CRYBG1: variants seen among roughly 807,000 people sequenced by gnomAD.
The protein encoded by CRYBG1 is beta/gamma crystallin domain-containing protein 1.
Under a neutral mutation model 189.2 loss-of-function variants are expected in CRYBG1, and 139 were observed. The observed-to-expected ratio is 0.73, with a 90% CI of 0.64 to 0.85. The LOEUF (loss-of-function observed/expected upper bound fraction) is 0.85, where lower values mean the gene tolerates loss of function less well. CRYBG1 is among the 40% of genes least tolerant of loss of function. The probability of loss-of-function intolerance (pLI) is 0.00; values close to 1 mark genes in which losing one functional copy is unlikely to be tolerated. For missense variants in CRYBG1, 2,611 were observed against 2,675.8 expected (o/e 0.98, Z 0.53); for synonymous variants, 1,023 against 1,017.1 (o/e 1.01, Z -0.11).
intron 1 of CRYBG1, among the ~76,000 whole-genome samples, chr6:106,450,824 C>G (rs780190559): frequency 6.6e-6 from 1 of 152,184 alleles, no homozygotes; most frequent in Non-Finnish European, 1.5e-5. Flanking sequence ...CTTCAGCAGA[C>G]GCCTCTCACA....
At chr6:106,526,153 C>T (rs186715813) in intron 6 of CRYBG1, among the ~76,000 whole-genome samples, 101 of 152,216 alleles carry the variant, frequency 6.6e-4, no homozygotes, top group African/African-American at 2.3e-3. Context: ...GAGGGTAGAC[C>T]TCTGAATGTT....
chr6:106,495,819 T>TGA (rs1554186459), intron 2 of CRYBG1, among the ~76,000 whole-genome samples: 1 of 128,470 alleles, frequency 7.8e-6, no homozygotes, highest in Non-Finnish European at 1.6e-5. Context: ...TTTCCTTGAG[T>TGA]AAAAAAAAAA....
At chr6:106,551,828 C>T (rs1774411077) in intron 13 of CRYBG1, 24 bp from the exon 14 acceptor site, 2 of 1,607,848 alleles carry the variant, frequency 1.2e-6, no homozygotes, top group Non-Finnish European at 1.7e-6. Flanking sequence ...TGAACTCCAA[C>T]AAGTGATTGC....
At chr6:106,430,435 CA>C (rs746507342) in intron 1 of CRYBG1, among the ~76,000 whole-genome samples, 54 of 152,264 alleles carry the variant, frequency 3.5e-4, no homozygotes, top group Admixed American at 1.0e-3. Context: ...AGGATTTTAG[CA>C]CAAGGCTATG....
intron 18 of CRYBG1, among the ~76,000 whole-genome samples, chr6:106,559,099 T>C (rs774114393): frequency 2.0e-5 from 3 of 152,260 alleles, no homozygotes; most frequent in Non-Finnish European, 4.4e-5. Context: ...AAAAGTCATA[T>C]GTAAAGCATC....
At position 106,519,971 on chromosome 6, in the gene CRYBG1, G is replaced by GA. The variant is rs753269932; in HGVS notation, c.2767dup (p.Met923AsnfsTer19). 1 of 1,614,192 alleles carries GA rather than the reference G, an allele frequency of 6.2e-7. No homozygotes were observed. The highest frequency in any genetic ancestry group is 1.6e-4 in the Middle Eastern group (1 of 6,062). On this transcript the variant is annotated frameshift_variant, in exon 4 of 22. Coordinates refer to ENST00000633556, the MANE Select transcript of CRYBG1 (RefSeq NM_001371242.2). LOFTEE classifies it high-confidence loss of function. ...TGCCTGTGTCTCGTCAGAACAATGA[G>GA]AAAATGCCACTTTTAGAACTTGGAG...
chr6:106,524,291 G>A lies in CRYBG1; in HGVS notation c.4246-842G>A, dbSNP rs373190890. Reference sequence around the variant, plus strand: ...AAAAAAGCGGGATTAGGCCGGGCACGGTGGCTCTCACCTGTAATCCCAGCA... The same window carrying A: ...AAAAAAGCGGGATTAGGCCGGGCACAGTGGCTCTCACCTGTAATCCCAGCA... On this transcript the variant is annotated intron_variant, in intron 4 of 21. Coordinates refer to ENST00000633556, the MANE Select transcript of CRYBG1 (RefSeq NM_001371242.2). Among the ~76,000 whole-genome samples the A allele has an allele frequency of 1.7e-3, 256 of 152,218 alleles. 1 individual carries two copies. Among genetic ancestry groups the A allele is most frequent in the African/African-American group, 5.9e-3 (247 of 41,542 alleles).
At position 106,522,030 on chromosome 6, in the gene CRYBG1, G is replaced by T. The variant is rs1773623355; in HGVS notation, c.4245+577G>T. Among the ~76,000 whole-genome samples the T allele has an allele frequency of 1.3e-5, 2 of 152,150 alleles. 1 individual carries two copies. The highest frequency in any genetic ancestry group is 4.1e-4 in the South Asian group (2 of 4,832). ...TTACAGGTGTGAGCCATCCTGACTG[G>T]CTGGCAATAAATCTTTTAAGGCACA... On this transcript the variant is annotated intron_variant, in intron 4 of 21. Transcript: ENST00000633556.
chr6:106,562,703 G>C (rs1294431431), intron 20 of CRYBG1, among the ~76,000 whole-genome samples: 1 of 152,204 alleles, frequency 6.6e-6, no homozygotes, highest in South Asian at 2.1e-4. Flanking sequence ...TGGCCAGGAT[G>C]GTCTTGATCT....
intron 21 of CRYBG1, among the ~76,000 whole-genome samples, chr6:106,566,464 CTTTTTTTTTTTTTT>C (rs34773477): frequency 1.4e-5 from 1 of 71,650 alleles, no homozygotes; most frequent in Non-Finnish European, 2.3e-5. Context: ...CAACAACAGT[CTTTTTTTTTTTTTT>C]TTTTTTTTTT....
chr6:106,564,871 C>T (rs947213615), intron 21 of CRYBG1, among the ~76,000 whole-genome samples: 69 of 139,710 alleles, frequency 4.9e-4, no homozygotes, highest in Non-Finnish European at 2.9e-4. Context: ...TGTTTTGTAG[C>T]GAACTGGTGA....
rs1273862425 is a variant in CRYBG1, at chr6:106,398,089, A to AT, written c.173+37015dup. ...TGAGCTATTACACACAATTGCTTTC[A>AT]TTTTTTTCTCCAGGAAGTTTTGAAG... On this transcript the variant is annotated intron_variant, in intron 1 of 21. Transcript: ENST00000633556. Among the ~76,000 whole-genome samples the AT allele has an allele frequency of 2.6e-5, 4 of 152,026 alleles. No homozygotes were observed. The South Asian group carries it at 6.2e-4, about 24-fold the overall frequency.
At chr6:106,527,189 A>T in intron 6 of CRYBG1, 116 bp from the exon 7 acceptor site, 1 of 774,260 alleles carries the variant, frequency 1.3e-6, no homozygotes, top group Non-Finnish European at 1.9e-6. Flanking sequence ...ATTGCTAGAT[A>T]ATTGGCTGCT....
Position 106,525,236 on chromosome 6 carries a change from C to A in CRYBG1, c.4294-32C>A, listed in dbSNP as rs754454402. 4 of 1,612,072 alleles carry A rather than the reference C, an allele frequency of 2.5e-6. No homozygotes were observed. The South Asian group carries it at 4.4e-5, about 18-fold the overall frequency. ...TCTATTTTGGTCTGACAGAGTACAA[C>A]AAAGTGTGCTACCACTTTCGTTTTC... is the stretch of plus-strand genomic sequence containing the variant. On this transcript the variant is annotated intron_variant, in intron 5 of 21. Coordinates refer to ENST00000633556, the MANE Select transcript of CRYBG1 (RefSeq NM_001371242.2).
At chr6:106,483,405 ACATTT>A (rs1772518964) in intron 2 of CRYBG1, among the ~76,000 whole-genome samples, 1 of 102,464 alleles carries the variant, frequency 9.8e-6, no homozygotes. Context: ...TATATATAAA[ACATTT>A]TCTTTATCTA....
At chr6:106,409,733 A>G (rs1036246930) in intron 1 of CRYBG1, among the ~76,000 whole-genome samples, 1 of 152,182 alleles carries the variant, frequency 6.6e-6, no homozygotes, top group Non-Finnish European at 1.5e-5. Context: ...ATCTATAACC[A>G]TCTGATCTTT....
rs376360009 is a variant in CRYBG1, at chr6:106,532,665, T to G, written c.4718+2350T>G. Among the ~76,000 whole-genome samples, 224 of 152,330 alleles carry G rather than the reference T, an allele frequency of 1.5e-3. 1 individual carries two copies. Among genetic ancestry groups the G allele is most frequent in the African/African-American group, 5.2e-3 (216 of 41,576 alleles). On this transcript the variant is annotated intron_variant, in intron 8 of 21. Transcript: ENST00000633556. Reference sequence around the variant, plus strand: ...GCATTTCCCTGATCTTGAGTGATGTTGAACATTTTTTCATATACCTCTTGG... The same window carrying G: ...GCATTTCCCTGATCTTGAGTGATGTGGAACATTTTTTCATATACCTCTTGG...
chr6:106,511,745 G>A lies in CRYBG1; in HGVS notation c.628G>A (p.Glu210Lys), dbSNP rs1773263292. The A allele has an allele frequency of 1.3e-6, 2 of 1,535,364 alleles. No individual in the cohort carries two copies. Among genetic ancestry groups the A allele is most frequent in the Non-Finnish European group, 1.7e-6 (2 of 1,146,628 alleles). The part of the protein sequence containing the change: ...SGGPAAPPDA[E>K]LSPRWSSSAA... ...TGGCCCCGCAGCCCCCCCTGACGCC[G>A]AGCTGTCACCTCGCTGGAGCAGCAG... The change falls in exon 3 of 22, where the codon GAG (glutamate) becomes AAG (lysine). Residue 210 changes from glutamate to lysine, a missense_variant. This residue lies in a region of CRYBG1 where 985 missense variants were observed against 924.4 expected (regional missense o/e 1.07). Coordinates refer to ENST00000633556, the MANE Select transcript of CRYBG1 (RefSeq NM_001371242.2).
At position 106,451,747 on chromosome 6, in the gene CRYBG1, C is replaced by T. The variant is rs970575879; in HGVS notation, c.227C>T (p.Pro76Leu). Residue 76 changes from proline (P) to leucine (L), a missense_variant, in exon 2 of 22, where the codon CCA becomes CTA. This residue lies in a region of CRYBG1 where 985 missense variants were observed against 924.4 expected (regional missense o/e 1.07). Coordinates refer to ENST00000633556, the MANE Select transcript of CRYBG1 (RefSeq NM_001371242.2). ...KYVVRDSQEF[P>L]LHCGESQFFH... is the part of the protein sequence containing the mutation. ...GTGGTTCGAGACTCCCAGGAATTTC[C>T]ACTGCACTGTGGGGAATCCCAGTTC... is the stretch of plus-strand genomic sequence containing the variant. 9.1e-6 allele frequency: 14 copies of T among 1,534,702 alleles called. No homozygotes were observed. Among genetic ancestry groups the T allele is most frequent in the Admixed American group, 5.9e-5 (3 of 50,896 alleles).
Sources: gnomAD v4.1 joint callset for allele counts (sites outside exome capture counted in the v4.1 genomes callset) on GRCh38, gnomAD v4.1.1 for gene constraint, gnomAD v4.1.1 regional missense constraint, MANE v1.5 for transcripts, NCBI Gene and HGNC (gene_info 2026-07-23, HGNC 2026-07-21) for gene names.